The following ZAN variants were observed in gnomAD, a reference collection of about 807,000 sequenced individuals.
ZAN encodes zonadhesin, also known as zonadhesin (gene/pseudogene).
In ZAN, 260 loss-of-function variants were observed where a neutral mutation model predicts 286.2. The observed-to-expected ratio is 0.91, with a 90% CI of 0.82 to 1.01. The LOEUF (loss-of-function observed/expected upper bound fraction) is 1.01, where lower values mean the gene tolerates loss of function less well. Among genes scored for constraint, ZAN ranks in the 50% least tolerant of loss-of-function variants. The pLI is 0.00. For synonymous variants in ZAN, 1,368 were observed against 1,417.5 expected (o/e 0.97, Z 0.79); for missense variants, 3,410 against 3,639.2 (o/e 0.94, Z 1.62).
In ZAN at chr7:100,758,592, C is replaced by T. The variant is rs1584579831; in HGVS notation, c.3513C>T (p.His1171=). 2 of 1,566,548 alleles carry T rather than the reference C, an allele frequency of 1.3e-6. No homozygotes were observed. The highest frequency in any genetic ancestry group is 1.7e-6 in the Non-Finnish European group (2 of 1,155,472). Residue 1171 remains histidine, a synonymous_variant, in exon 17 of 48, where the codon CAC becomes CAT. Coordinates refer to ENST00000613979, the MANE Select transcript of ZAN (RefSeq NM_003386.3). ...DPHYVTFDGR[H]FGFMGKCTYI... ...ATTATGTCACCTTTGACGGGAGGCACTTTGGCTTCATGGGCAAGTGCACTT... is the reference window on the plus strand; with the variant it reads ...ATTATGTCACCTTTGACGGGAGGCATTTTGGCTTCATGGGCAAGTGCACTT...
In ZAN at chr7:100,749,651, A is replaced by AAAAAT. The variant is rs1360254873; in HGVS notation, c.1250-973_1250-972insAAATA. On this transcript the variant is annotated intron_variant, in intron 11 of 47. Coordinates refer to ENST00000613979, the MANE Select transcript of ZAN (RefSeq NM_003386.3). The stretch of plus-strand genomic sequence containing the variant: ...TGAGACTCCGTCTCAAAAAAAAAAA[A>AAAAAT]ATATATATATATATATATATATATA... 1.2e-4 allele frequency among the ~76,000 whole-genome samples: 13 copies of AAAAAT among 109,414 alleles called. 1 individual carries two copies. Among genetic ancestry groups the AAAAAT allele is most frequent in the African/African-American group, 4.7e-4 (13 of 27,672 alleles). The allele number at this position is 109,414 out of a possible 152,430, so 71.8% of individuals were successfully genotyped here.
chr7:100,791,343 T>TTTCCTTC (rs200741881), intron 40 of ZAN, among the ~76,000 whole-genome samples: 1 of 151,866 alleles, frequency 6.6e-6, no homozygotes, highest in Non-Finnish European at 1.5e-5. Flanking sequence ...CCCAGTTATT[T>TTTCCTTC]TTCCTTCTTC....
rs369769810 is a variant in ZAN, at chr7:100,779,521, G to A, written c.6393G>A (p.Ala2131=). The part of the protein sequence containing the change: ...QQENPSGNCR[A]ADLRRAREKC... ...AGAACCCGAGTGGAAACTGCAGGGC[G>A]GCCGACCTCCGCAGGGCGCGGGAAA... is the stretch of plus-strand genomic sequence containing the variant. The change falls in exon 35 of 48, where the codon GCG becomes GCA. Residue 2131 remains alanine (A), a synonymous_variant. Transcript: ENST00000613979. The A allele has an allele frequency of 1.5e-5, 24 of 1,612,620 alleles. No homozygotes were observed. Among genetic ancestry groups the A allele is most frequent in the African/African-American group, 1.5e-4 (11 of 74,946 alleles).
rs1809317223 is a variant in ZAN, at chr7:100,758,517, C to T, written c.3452-14C>T. On this transcript the variant is annotated splice_polypyrimidine_tract_variant and intron_variant, in intron 16 of 47. Transcript: ENST00000613979. ...CACAGAAGCAGCTTCGCCTGTTCTC[C>T]TTCCCCCTCCCAGCAGGCACTGCCA... 7 of 1,555,262 alleles carry T rather than the reference C, an allele frequency of 4.5e-6. No individual in the cohort carries two copies. Among genetic ancestry groups the T allele is most frequent in the Non-Finnish European group, 6.1e-6 (7 of 1,149,318 alleles).
At chr7:100,796,421 C>CTTTTTTT (rs144829996) in intron 45 of ZAN, among the ~76,000 whole-genome samples, 3 of 120,424 alleles carry the variant, frequency 2.5e-5, no homozygotes. Context: ...CAGGAATCTG[C>CTTTTTTT]TTTTTTTTTT....
Position 100,736,467 on chromosome 7 carries a change from G to A in ZAN, c.107-16G>A. On this transcript the variant is annotated splice_polypyrimidine_tract_variant and intron_variant, in intron 3 of 47. Transcript: ENST00000613979. ...CCTGCCCTCTCTGAAACCTCACTGT[G>A]ACCCATTCTTCCTAGATGTCCTCAC... 6.6e-7 allele frequency: 1 copy of A among 1,523,264 alleles called. No individual in the cohort carries two copies. The highest frequency in any genetic ancestry group is 9.0e-7 in the Non-Finnish European group (1 of 1,107,636). The allele number at this position is 1,523,264 out of a possible 1,614,324, so 94.4% of individuals were successfully genotyped here.
At chr7:100,748,573 G>C in intron 11 of ZAN, 103 bp downstream of exon 11, 1 of 1,464,546 alleles carries the variant, frequency 6.8e-7, no homozygotes, top group African/African-American at 1.4e-5. Context: ...CAGGCAGTGG[G>C]AAGATCAGTC....
At chr7:100,767,292 C>T (rs1384907225) in intron 25 of ZAN, 35 bp downstream of exon 25, 2 of 1,582,842 alleles carry the variant, frequency 1.3e-6, no homozygotes, top group South Asian at 2.3e-5. Flanking sequence ...GGACCCTGAA[C>T]ACCCAGCCTG....
chr7:100,762,210 C>A lies in ZAN; in HGVS notation c.3843-5C>A, dbSNP rs761666784. ...TTAACGCCAGCTCCTCTCCTGTTCC[C>A]CTAGCACATACTCTGGCAAACTCTG... is the stretch of plus-strand genomic sequence containing the variant. On this transcript the variant is annotated splice_region_variant and splice_polypyrimidine_tract_variant and intron_variant, in intron 19 of 47. Coordinates refer to ENST00000613979, the MANE Select transcript of ZAN (RefSeq NM_003386.3). The A allele has an allele frequency of 1.2e-6, 2 of 1,612,542 alleles. No homozygotes were observed. The highest frequency in any genetic ancestry group is 4.5e-5 in the East Asian group (2 of 44,810).
chr7:100,787,963 C>T lies in ZAN; in HGVS notation c.7054C>T (p.Arg2352Cys), dbSNP rs772599987. Residue 2352 changes from arginine to cysteine, a missense_variant, in exon 38 of 48, where the codon CGC becomes TGC. Coordinates refer to ENST00000613979, the MANE Select transcript of ZAN (RefSeq NM_003386.3). ...CGGCTTCAGCTACCGCTTGCAAGGC[C>T]GCATGACCTATGTTCTGATCAAGAC... Reference protein sequence around the residue: ...FDGFSYRLQGRMTYVLIKTVD... With the variant: ...FDGFSYRLQGCMTYVLIKTVD... 2.5e-5 allele frequency: 12 copies of T among 485,346 alleles called. No individual in the cohort carries two copies. Among genetic ancestry groups the T allele is most frequent in the Non-Finnish European group, 4.5e-5 (12 of 267,792 alleles). 30.1% of individuals were successfully genotyped at this position (485,346 alleles called of 1,614,324 possible).
intron 42 of ZAN, among the ~76,000 whole-genome samples, chr7:100,792,952 C>T (rs1717038881): frequency 8.2e-6 from 1 of 122,692 alleles, no homozygotes; most frequent in South Asian, 2.5e-4. Context: ...CACCACACTC[C>T]AGCCTGGGCA....
At position 100,779,460 on chromosome 7, in the gene ZAN, T is replaced by C. The variant is rs531503; in HGVS notation, c.6332T>C (p.Leu2111Pro). ...KDIDPSCQSL[L>P]VDEQQIPAEQ... ...TCCCTTCCCAGTTGTCAGAGTCTCC[T>C]GGTAGATGAGCAGCAGATTCCAGCG... The change falls in exon 35 of 48, where the codon CTG (leucine) becomes CCG (proline). Residue 2111 changes from leucine to proline, a missense_variant. Leu to Pro is a moderately conservative substitution (Grantham distance 98). This residue lies in a region of ZAN where 1,289 missense variants were observed against 1,314.3 expected (regional missense o/e 0.98). Coordinates refer to ENST00000613979, the MANE Select transcript of ZAN (RefSeq NM_003386.3). 0.36 allele frequency: 574,159 copies of C among 1,604,854 alleles called. 104,210 individuals carry two copies. The highest frequency in any genetic ancestry group is 0.4 in the African/African-American group (29,715 of 74,892).
intron 19 of ZAN, 89 bp downstream of exon 19, chr7:100,760,625 C>T: frequency 6.6e-7 from 1 of 1,518,578 alleles, no homozygotes; most frequent in Non-Finnish European, 8.9e-7. Flanking sequence ...CCTGCCCACT[C>T]CCCTTCCATC....
rs1390275827 is a variant in ZAN, at chr7:100,797,588, AG to A, written c.8380del (p.Glu2794ArgfsTer34). 1.2e-6 allele frequency: 2 copies of A among 1,613,820 alleles called. No individual in the cohort carries two copies. The highest frequency in any genetic ancestry group is 2.2e-5 in the South Asian group (2 of 91,080). On this transcript the variant is annotated frameshift_variant, in exon 47 of 48. Coordinates refer to ENST00000613979, the MANE Select transcript of ZAN (RefSeq NM_003386.3). LOFTEE classifies it low-confidence loss of function (END_TRUNC). Reference sequence around the variant, plus strand: ...CCCATGCCTTCTAGAGAGAAAACGCAGGAGGGAGACAGACTGGCCAGGCTGG... The same window carrying A: ...CCCATGCCTTCTAGAGAGAAAACGCAGAGGGAGACAGACTGGCCAGGCTGG... ...YRTRRKREKT[Q>X]EGDRLARLVD...
rs1396720154 is a variant in ZAN at position 100,763,780 on chromosome 7, G to C, written c.3987-26G>C. The C allele has an allele frequency of 6.2e-7, 1 of 1,609,082 alleles. No homozygotes were observed. The highest frequency in any genetic ancestry group is 8.5e-7 in the Non-Finnish European group (1 of 1,175,524). On this transcript the variant is annotated intron_variant, in intron 20 of 47. Coordinates refer to ENST00000613979, the MANE Select transcript of ZAN (RefSeq NM_003386.3). The surrounding 1 kb of genome is among the most constrained non-coding windows in gnomAD (Gnocchi z 4.6). ...GAGCTGGAAGCGAGCTTTGTCTTTA[G>C]GGAGTTTGGGGTGGGTCTCTTGCAG...
intron 35 of ZAN, 40 bp downstream of exon 35, chr7:100,779,790 C>T (rs1022074558): frequency 6.6e-7 from 1 of 1,516,924 alleles, no homozygotes; most frequent in Non-Finnish European, 8.9e-7. Context: ...CCTCCCAAAC[C>T]CCCTTTCCCT....
At chr7:100,789,155 C>T (rs745314744) in intron 38 of ZAN, 63 bp from the exon 39 acceptor site, 75 of 1,564,098 alleles carry the variant, frequency 4.8e-5, no homozygotes, top group Non-Finnish European at 5.9e-5. Context: ...GAAGCCCAGC[C>T]AGGAAATGGC....
chr7:100,782,905 C>G (rs2116245352), intron 35 of ZAN, among the ~76,000 whole-genome samples: 1 of 152,318 alleles, frequency 6.6e-6, no homozygotes, highest in Non-Finnish European at 1.5e-5. Flanking sequence ...TGAGCTTTCT[C>G]CTCTGTTCTG....
At position 100,763,822 on chromosome 7, in the gene ZAN, G is replaced by A; in HGVS notation, c.4003G>A (p.Val1335Met). The part of the protein sequence containing the change: ...DEDQECQKYQ[V>M]VNSPSCDSSL... ...CTCTTGCAGGTGTCAGAAGTACCAG[G>A]TGGTGAATTCCCCGTCTTGTGATTC... is the stretch of plus-strand genomic sequence containing the variant. Residue 1335 changes from valine (V) to methionine (M), a missense_variant, in exon 21 of 48, where the codon GTG (valine) becomes ATG (methionine). Physicochemically the swap from Val to Met is conservative, Grantham distance 21 (BLOSUM62 1). Transcript: ENST00000613979. This position sits in a 1 kb window ranked among gnomAD's most constrained non-coding sequence, Gnocchi z 4.6. The A allele has an allele frequency of 6.2e-7, 1 of 1,614,044 alleles. No individual in the cohort carries two copies. The highest frequency in any genetic ancestry group is 1.3e-5 in the African/African-American group (1 of 75,078).
Sources: gnomAD v4.1 joint callset for allele counts (sites outside exome capture counted in the v4.1 genomes callset) on GRCh38, gnomAD v4.1.1 for gene constraint, gnomAD v4.1.1 regional missense constraint, Gnocchi (gnomAD v3.1) non-coding constraint, MANE v1.5 for transcripts, NCBI Gene and HGNC (gene_info 2026-07-23, HGNC 2026-07-21) for gene names.